AQP1: variants seen among roughly 807,000 people sequenced by gnomAD.
AQP1 encodes aquaporin-1.
Under a neutral mutation model 19.7 loss-of-function variants are expected in AQP1, and 11 were observed. That is an observed-to-expected ratio of 0.56 (90% CI 0.35 to 0.92). AQP1 has a LOEUF of 0.92. Ranked by LOEUF, AQP1 falls within the 40% of genes least tolerant of loss-of-function variation. The probability of loss-of-function intolerance (pLI) is 0.01; values close to 1 mark genes in which losing one functional copy is unlikely to be tolerated. For synonymous variants in AQP1, 159 were observed against 166.7 expected (o/e 0.95, Z 0.36); for missense variants, 320 against 369.7 (o/e 0.87, Z 1.10).
chr7:30,917,067 C>T (rs904071002), intron 1 of AQP1, among the ~76,000 whole-genome samples: 1 of 152,104 alleles, frequency 6.6e-6, no homozygotes, highest in African/African-American at 2.4e-5. Context: ...TTGGAGACTG[C>T]GGGGGCTCGA....
At chr7:30,913,128 C>G (rs1791212800) in intron 1 of AQP1, among the ~76,000 whole-genome samples, 1 of 152,020 alleles carries the variant, frequency 6.6e-6, no homozygotes, top group Non-Finnish European at 1.5e-5. Flanking sequence ...GCCCATGGCT[C>G]CTGGCTTGAA....
rs1218986771 is a variant in AQP1, at chr7:30,912,019, A to G, written c.110A>G (p.Tyr37Cys). 2.5e-6 allele frequency: 4 copies of G among 1,613,326 alleles called. No homozygotes were observed. In the African/African-American group the frequency reaches 5.3e-5, roughly 22 times the overall value. ...ATCGGTTCTGCCCTGGGCTTCAAAT[A>G]CCCGGTGGGGAACAACCAGACGGCG... ...ISIGSALGFK[Y>C]PVGNNQTAVQ... Residue 37 changes from tyrosine to cysteine, a missense_variant, in exon 1 of 4, where the codon TAC becomes TGC. Transcript: ENST00000311813. The surrounding 1 kb of genome is among the most constrained non-coding windows in gnomAD (Gnocchi z 4.3).
rs28362696 is a variant in AQP1 at position 30,913,799 on chromosome 7, C to A, written c.384+1506C>A. ...ACTTTAGCCAGTTTAGACGTGGCCG[C>A]GGGGGATGTACGGGACAGAGCTCAG... On this transcript the variant is annotated intron_variant, in intron 1 of 3. Transcript: ENST00000311813. Among the ~76,000 whole-genome samples, 1,344 of 152,160 alleles carry A rather than the reference C, an allele frequency of 8.8e-3. 26 individuals are homozygous for A. The highest frequency in any genetic ancestry group is 0.031 in the African/African-American group (1,289 of 41,506).
intron 1 of AQP1, among the ~76,000 whole-genome samples, chr7:30,918,698 C>G (rs564097139): frequency 6.6e-6 from 1 of 152,326 alleles, no homozygotes; most frequent in South Asian, 2.1e-4. Context: ...GGAAGCCACC[C>G]TGGTTGGCCT....
Position 30,912,165 on chromosome 7 carries a change from A to T in AQP1, c.256A>T (p.Ser86Cys), listed in dbSNP as rs1459509459. The T allele has an allele frequency of 6.2e-7, 1 of 1,612,930 alleles. No homozygotes were observed. Among genetic ancestry groups the T allele is most frequent in the Admixed American group, 1.7e-5 (1 of 60,032 alleles). ...NPAVTLGLLL[S>C]CQISIFRALM... ...GGCTGTCACACTGGGGCTGCTGCTC[A>T]GCTGCCAGATCAGCATCTTCCGTGC... Residue 86 changes from serine to cysteine, a missense_variant, in exon 1 of 4, where the codon AGC becomes TGC. Ser to Cys is a moderately radical substitution (Grantham distance 112). Transcript: ENST00000311813. The surrounding 1 kb of genome is among the most constrained non-coding windows in gnomAD (Gnocchi z 4.3).
intron 1 of AQP1, among the ~76,000 whole-genome samples, chr7:30,916,382 G>A (rs752738411): frequency 1.3e-5 from 2 of 152,254 alleles, no homozygotes; most frequent in Admixed American, 6.5e-5. Flanking sequence ...CACCCAGCAG[G>A]GGCCATGGCC....
rs375975852 is a variant in AQP1, at chr7:30,923,473, C to G, written c.654C>G (p.Ile218Met). Reference protein sequence around the residue: ...NHWIFWVGPFIGGALAVLIYD... With the variant: ...NHWIFWVGPFMGGALAVLIYD... Reference sequence around the variant, plus strand: ...AGATTTTCTGGGTGGGGCCATTCATCGGGGGAGCCCTGGCTGTACTCATCT... The same window carrying G: ...AGATTTTCTGGGTGGGGCCATTCATGGGGGGAGCCCTGGCTGTACTCATCT... The change falls in exon 4 of 4, where the codon ATC becomes ATG. Residue 218 changes from isoleucine to methionine, a missense_variant. Coordinates refer to ENST00000311813, the MANE Select transcript of AQP1 (RefSeq NM_198098.4). This position sits in a 1 kb window ranked among gnomAD's most constrained non-coding sequence, Gnocchi z 4.8. 6.2e-7 allele frequency: 1 copy of G among 1,613,842 alleles called. No individual in the cohort carries two copies. Among genetic ancestry groups the G allele is most frequent in the Non-Finnish European group, 8.5e-7 (1 of 1,179,946 alleles).
At chr7:30,919,172 G>A (rs1173745011) in intron 1 of AQP1, among the ~76,000 whole-genome samples, 2 of 152,314 alleles carry the variant, frequency 1.3e-5, no homozygotes, top group Non-Finnish European at 1.5e-5. Flanking sequence ...CCTCAGAGGC[G>A]TGGGCAGAGA....
At chr7:30,914,614 C>T (rs567561007) in intron 1 of AQP1, among the ~76,000 whole-genome samples, 1 of 152,208 alleles carries the variant, frequency 6.6e-6, no homozygotes, top group African/African-American at 2.4e-5. Context: ...GGAGGGGCCT[C>T]AGGGGTGGCC....
intron 2 of AQP1, 39 bp from the exon 3 acceptor site, chr7:30,922,525 C>T (rs1462565715): frequency 8.9e-6 from 14 of 1,575,734 alleles, no homozygotes; most frequent in Non-Finnish European, 1.2e-5. Flanking sequence ...ACCTATGACT[C>T]TCTGCCTTCG....
intron 1 of AQP1, among the ~76,000 whole-genome samples, chr7:30,920,992 GAC>G (rs1791483691): frequency 6.6e-6 from 1 of 152,220 alleles, no homozygotes; most frequent in Non-Finnish European, 1.5e-5. Flanking sequence ...TGGCCTTGGA[GAC>G]ACTCCCATAT....
In AQP1 at chr7:30,922,320, G is replaced by T. The variant is rs960891422; in HGVS notation, c.549+90G>T. ...GCCATGGGCAGCCAGTGGGACTCCCGACAGGGCTCTTGCCATTGGGTGGAG... is the reference window on the plus strand; with the variant it reads ...GCCATGGGCAGCCAGTGGGACTCCCTACAGGGCTCTTGCCATTGGGTGGAG... On this transcript the variant is annotated intron_variant, in intron 2 of 3. Transcript: ENST00000311813. The T allele has an allele frequency of 1.1e-5, 16 of 1,494,836 alleles. No individual in the cohort carries two copies. The South Asian group carries it at 1.9e-4, about 17-fold the overall frequency. 92.6% of individuals were successfully genotyped at this position (1,494,836 alleles called of 1,614,324 possible). A position where few individuals can be genotyped will look rare whatever the true frequency, so the allele number is the denominator to read the frequency against.
intron 1 of AQP1, among the ~76,000 whole-genome samples, chr7:30,916,671 C>T (rs370387470): frequency 6.0e-4 from 91 of 152,290 alleles, no homozygotes; most frequent in African/African-American, 2.1e-3. Context: ...AAAAGATATC[C>T]GGAAAGGCCG....
intron 1 of AQP1, among the ~76,000 whole-genome samples, chr7:30,916,837 C>G (rs1449316886): frequency 6.6e-6 from 1 of 152,050 alleles, no homozygotes; most frequent in African/African-American, 2.4e-5. Context: ...AATAAGCTCC[C>G]TGCCATTAGG....
chr7:30,919,556 C>CTTTTTT (rs138132377), intron 1 of AQP1, among the ~76,000 whole-genome samples: 1 of 138,656 alleles, frequency 7.2e-6, no homozygotes. Flanking sequence ...CTGATTCTTA[C>CTTTTTT]TTTTTTTTTT....
At chr7:30,922,769 A>T in intron 3 of AQP1, 125 bp downstream of exon 3, 1 of 1,000,514 alleles carries the variant, frequency 1.0e-6, no homozygotes. Flanking sequence ...GGAAATCAGG[A>T]AACTGAGGCC....
At chr7:30,921,953 C>A in intron 1 of AQP1, 113 bp from the exon 2 acceptor site, 1 of 1,571,616 alleles carries the variant, frequency 6.4e-7, no homozygotes. Flanking sequence ...GAAGGCCCAT[C>A]TGAGGGTCCG....
At chr7:30,918,147 C>T (rs1389298738) in intron 1 of AQP1, among the ~76,000 whole-genome samples, 2 of 152,038 alleles carry the variant, frequency 1.3e-5, no homozygotes, top group Admixed American at 1.3e-4. Flanking sequence ...GGCCACCACA[C>T]CCGGCTAATT....
rs746198215 is a variant in AQP1 at position 30,922,163 on chromosome 7, G to T, written c.482G>T (p.Arg161Leu). The T allele has an allele frequency of 1.2e-6, 2 of 1,613,326 alleles. No individual in the cohort carries two copies. The highest frequency in any genetic ancestry group is 1.7e-6 in the Non-Finnish European group (2 of 1,180,028). ...LCVLATTDRR[R>L]RDLGGSAPLA... Reference sequence around the variant, plus strand: ...GTGCTGGCTACTACCGACCGGAGGCGCCGTGACCTTGGTGGCTCAGCCCCC... The same window carrying T: ...GTGCTGGCTACTACCGACCGGAGGCTCCGTGACCTTGGTGGCTCAGCCCCC... The change falls in exon 2 of 4, where the codon CGC (arginine) becomes CTC (leucine). Residue 161 changes from arginine to leucine, a missense_variant. By Grantham distance (102) the Arg-to-Leu change is moderately radical (BLOSUM62 -2). Transcript: ENST00000311813.
Sources: allele counts gnomAD v4.1 joint callset (sites outside exome capture counted in the v4.1 genomes callset), GRCh38; gene constraint gnomAD v4.1.1; non-coding constraint Gnocchi (gnomAD v3.1); transcripts MANE v1.5; gene names NCBI Gene and HGNC (gene_info 2026-07-23, HGNC 2026-07-21).